SPMIP2: variants seen among roughly 807,000 people sequenced by gnomAD.
SPMIP2 encodes the protein protein SPMIP2.
the SPMIP2 span, among the ~76,000 whole-genome samples, chr4:159,013,491 T>G: frequency 1.3e-5 from 2 of 152,224 alleles, no homozygotes; most frequent in African/African-American, 4.8e-5. Flanking sequence ...TGAGCCCCTC[T>G]TCCTGTCTGG....
At chr4:158,908,060 G>C in the SPMIP2 span, 5 of 152,018 alleles carry the variant, frequency 3.3e-5, no homozygotes, top group Non-Finnish European at 7.4e-5. Flanking sequence ...ACATTTTCCT[G>C]GTGCTGCATG....
At chr4:158,987,797 A>T in the SPMIP2 span, among the ~76,000 whole-genome samples, 1 of 151,998 alleles carries the variant, frequency 6.6e-6, no homozygotes, top group Non-Finnish European at 1.5e-5. Context: ...AAATAAAAAT[A>T]AAATAAAAAT....
At chr4:158,964,103 C>T in the SPMIP2 span, among the ~76,000 whole-genome samples, 4 of 150,974 alleles carry the variant, frequency 2.6e-5, no homozygotes, top group African/African-American at 9.7e-5. Context: ...TGCAGTGAGC[C>T]GAGATTGAGC....
chr4:158,994,807 A>T, the SPMIP2 span, among the ~76,000 whole-genome samples: 11 of 152,224 alleles, frequency 7.2e-5, no homozygotes, highest in Admixed American at 5.9e-4. Context: ...TAGGGGGAAG[A>T]AAAAAGGAGA....
At chr4:158,942,230 C>T in the SPMIP2 span, among the ~76,000 whole-genome samples, 34,848 of 152,092 alleles carry the variant, frequency 0.23, 4,366 homozygotes, top group Non-Finnish European at 0.29. Context: ...GAATGTGTGA[C>T]GTTCCATTTC....
the SPMIP2 span, among the ~76,000 whole-genome samples, chr4:159,037,785 TACACACACACAC>T: frequency 5.0e-5 from 6 of 118,920 alleles, no homozygotes; most frequent in African/African-American, 1.5e-4. Flanking sequence ...AAACAATATA[TACACACACACAC>T]ACACACACAC....
At chr4:158,996,669 G>T in the SPMIP2 span, among the ~76,000 whole-genome samples, 1 of 152,160 alleles carries the variant, frequency 6.6e-6, no homozygotes, top group South Asian at 2.1e-4. Flanking sequence ...TTCCATCTGT[G>T]TGCACTGCAT....
chr4:158,935,193 T>G, the SPMIP2 span, among the ~76,000 whole-genome samples: 1 of 152,222 alleles, frequency 6.6e-6, no homozygotes, highest in Non-Finnish European at 1.5e-5. Flanking sequence ...GACATCATGA[T>G]GGTTCACCCT....
chr4:158,960,635 A>C, the SPMIP2 span, among the ~76,000 whole-genome samples: 1 of 152,122 alleles, frequency 6.6e-6, no homozygotes, highest in Non-Finnish European at 1.5e-5. Context: ...GTTGCTTTCC[A>C]GCTTTATGAT....
chr4:159,004,026 T>G, the SPMIP2 span, among the ~76,000 whole-genome samples: 1 of 151,908 alleles, frequency 6.6e-6, no homozygotes. Flanking sequence ...TGTTGTTTTG[T>G]TTTATTTTTT....
chr4:159,070,607 A>T, the SPMIP2 span, among the ~76,000 whole-genome samples: 1 of 152,222 alleles, frequency 6.6e-6, no homozygotes, highest in African/African-American at 2.4e-5. Context: ...CAAGTGGTAG[A>T]TAAGGAGAAT....
the SPMIP2 span, among the ~76,000 whole-genome samples, chr4:159,038,447 T>G: frequency 6.6e-6 from 1 of 152,348 alleles, no homozygotes; most frequent in East Asian, 1.9e-4. Context: ...CTATGAACTA[T>G]CTAGTCTTAC....
chr4:159,017,356 T>TACACACACACACACAC, the SPMIP2 span, among the ~76,000 whole-genome samples: 57 of 149,412 alleles, frequency 3.8e-4, no homozygotes, highest in African/African-American at 1.3e-3. Flanking sequence ...CACAAACACA[T>TACACACACACACACAC]ACACACACAC....
the SPMIP2 span, among the ~76,000 whole-genome samples, chr4:158,960,699 T>C: frequency 6.6e-6 from 1 of 152,100 alleles, no homozygotes; most frequent in South Asian, 2.1e-4. Flanking sequence ...CTCAAACAGG[T>C]TACCTCTTTT....
At chr4:158,982,075 A>T in the SPMIP2 span, among the ~76,000 whole-genome samples, 1 of 152,172 alleles carries the variant, frequency 6.6e-6, no homozygotes, top group Non-Finnish European at 1.5e-5. Flanking sequence ...TTGCAATCCT[A>T]CTCTCTGATA....
At chr4:158,943,323 T>C in the SPMIP2 span, among the ~76,000 whole-genome samples, 1 of 152,304 alleles carries the variant, frequency 6.6e-6, no homozygotes, top group Non-Finnish European at 1.5e-5. Flanking sequence ...TTCCAATTTT[T>C]CTTGGATCCT....
chr4:159,059,312 G>A, the SPMIP2 span, among the ~76,000 whole-genome samples: 1 of 152,228 alleles, frequency 6.6e-6, no homozygotes, highest in Non-Finnish European at 1.5e-5. Flanking sequence ...GAATTTAAGA[G>A]TGATAAAATA....
chr4:159,016,163 CTG>C, the SPMIP2 span, among the ~76,000 whole-genome samples: 1 of 152,170 alleles, frequency 6.6e-6, no homozygotes, highest in African/African-American at 2.4e-5. Flanking sequence ...GGATGGGAAT[CTG>C]TTAAATTTTC....
chr4:159,080,743 G>T, the SPMIP2 span, among the ~76,000 whole-genome samples: 1 of 151,982 alleles, frequency 6.6e-6, no homozygotes, highest in African/African-American at 2.4e-5. Context: ...TTGTTTGTTT[G>T]TTTGTTTGTT....
Sources: allele counts gnomAD v4.1 joint callset (sites outside exome capture counted in the v4.1 genomes callset), GRCh38; gene constraint gnomAD v4.1.1; transcripts MANE v1.5; gene names NCBI Gene and HGNC (gene_info 2026-07-23, HGNC 2026-07-21).